The following SHOC1 variants were observed in gnomAD, a reference collection of about 807,000 sequenced individuals.
SHOC1 encodes protein shortage in chiasmata 1 ortholog.
A neutral mutation model predicts 179.2 loss-of-function variants in SHOC1; 136 were observed. That is an observed-to-expected ratio of 0.76 (90% CI 0.66 to 0.87). The LOEUF (loss-of-function observed/expected upper bound fraction) is 0.87, where lower values mean the gene tolerates loss of function less well. Ranked by LOEUF, SHOC1 falls within the 40% of genes least tolerant of loss-of-function variation. The probability of loss-of-function intolerance (pLI) is 0.00; values close to 1 mark genes in which losing one functional copy is unlikely to be tolerated. For missense variants in SHOC1, 1,538 were observed against 1,700.8 expected (o/e 0.90, Z 1.68); for synonymous variants, 489 against 586.6 (o/e 0.83, Z 2.41).
At chr9:111,748,380 T>G (rs1196178008) in intron 8 of SHOC1, among the ~76,000 whole-genome samples, 181 bp from the exon 9 acceptor site, 4 of 152,200 alleles carry the variant, frequency 2.6e-5, no homozygotes, top group Non-Finnish European at 1.5e-5. Flanking sequence ...TAAATAACTA[T>G]TCCCCCATGC....
chr9:111,726,603 C>A (rs189600702), intron 13 of SHOC1, among the ~76,000 whole-genome samples: 30 of 152,294 alleles, frequency 2.0e-4, no homozygotes, highest in African/African-American at 7.2e-4. Flanking sequence ...AAGGCTGTCA[C>A]ATCTTTTGGA....
At chr9:111,706,823 T>C (rs1832299367) in intron 19 of SHOC1, 77 bp from the exon 20 acceptor site, 8 of 1,014,288 alleles carry the variant, frequency 7.9e-6, no homozygotes. Context: ...AGATGACTGT[T>C]TTCTGGCTGT....
intron 5 of SHOC1, among the ~76,000 whole-genome samples, chr9:111,774,369 G>T (rs866954046): frequency 2.0e-5 from 3 of 152,244 alleles, no homozygotes; most frequent in East Asian, 1.9e-4. Flanking sequence ...CACGATCATG[G>T]CTTACTACAG....
chr9:111,699,819 A>G, intron 24 of SHOC1, 135 bp downstream of exon 24: 1 of 515,212 alleles, frequency 1.9e-6, no homozygotes, highest in Non-Finnish European at 3.4e-6. Context: ...ATTAATTTGA[A>G]AACTATTCTT....
At chr9:111,767,607 A>T (rs113405186) in intron 5 of SHOC1, among the ~76,000 whole-genome samples, 1 of 152,252 alleles carries the variant, frequency 6.6e-6, no homozygotes, top group Non-Finnish European at 1.5e-5. Flanking sequence ...TATATTTTGA[A>T]ATCAGGCATT....
intron 6 of SHOC1, among the ~76,000 whole-genome samples, chr9:111,758,487 G>C (rs977537368): frequency 3.3e-5 from 5 of 152,196 alleles, no homozygotes; most frequent in Non-Finnish European, 7.3e-5. Flanking sequence ...TCTCAGCAAG[G>C]CTGAGGCAGG....
chr9:111,704,031 C>A (rs372929084), intron 21 of SHOC1, 39 bp from the exon 22 acceptor site: 3 of 1,101,504 alleles, frequency 2.7e-6, no homozygotes, highest in Non-Finnish European at 4.0e-6. Flanking sequence ...AAATGAAATG[C>A]TAATAAAATT....
At position 111,758,211 on chromosome 9, in the gene SHOC1, A is replaced by G. The variant is rs1453636192; in HGVS notation, c.597-16T>C. 1 of 1,389,858 alleles carries G rather than the reference A, an allele frequency of 7.2e-7. No homozygotes were observed. Among genetic ancestry groups the G allele is most frequent in the South Asian group, 1.3e-5 (1 of 76,354 alleles). The allele number at this position is 1,389,858 out of a possible 1,614,324, so 86.1% of individuals were successfully genotyped here. ...GAAACATTCCCTTAAAAAAAAATAC[A>G]TTAATTAGTGTTTACTAAAAGCAAG... On this transcript the variant is annotated splice_polypyrimidine_tract_variant and intron_variant, in intron 6 of 27. Transcript: ENST00000682961.
intron 4 of SHOC1, 41 bp downstream of exon 4, chr9:111,780,889 T>C: frequency 2.2e-6 from 3 of 1,382,596 alleles, no homozygotes; most frequent in East Asian, 2.3e-5. Context: ...GTTTATCTTC[T>C]ACTAGATGTA....
At chr9:111,786,145 G>C (rs1589480156) in intron 2 of SHOC1, 110 bp from the exon 3 acceptor site, 2 of 772,726 alleles carry the variant, frequency 2.6e-6, no homozygotes, top group East Asian at 6.7e-5. Flanking sequence ...TTCTTTAAAA[G>C]TAATACATGC....
chr9:111,727,570 T>C, intron 13 of SHOC1, 63 bp downstream of exon 13: 1 of 1,357,746 alleles, frequency 7.4e-7, no homozygotes, highest in African/African-American at 1.5e-5. Flanking sequence ...CCTTCTATAA[T>C]AAATTATGTA....
chr9:111,734,710 C>T (rs1459654144), intron 12 of SHOC1, among the ~76,000 whole-genome samples: 2 of 152,126 alleles, frequency 1.3e-5, no homozygotes, highest in Admixed American at 6.5e-5. Flanking sequence ...GAAACAGAGA[C>T]AGGGATATGA....
chr9:111,733,688 C>T (rs1243503691), intron 12 of SHOC1, among the ~76,000 whole-genome samples: 12 of 152,006 alleles, frequency 7.9e-5, no homozygotes, highest in East Asian at 3.9e-4. Flanking sequence ...GCCAACATGG[C>T]GAAACCCCAT....
At chr9:111,775,210 G>C (rs1355835468) in intron 5 of SHOC1, among the ~76,000 whole-genome samples, 1 of 151,986 alleles carries the variant, frequency 6.6e-6, no homozygotes, top group African/African-American at 2.4e-5. Flanking sequence ...GGCCAAGCTG[G>C]TCTCAAACTC....
chr9:111,747,294 C>T (rs965325247), intron 9 of SHOC1, among the ~76,000 whole-genome samples: 2 of 151,986 alleles, frequency 1.3e-5, no homozygotes, highest in African/African-American at 4.8e-5. Context: ...AGTTAAGCAA[C>T]ATACTTTGGC....
intron 8 of SHOC1, among the ~76,000 whole-genome samples, chr9:111,752,472 T>C (rs1834638429): frequency 6.6e-6 from 1 of 152,212 alleles, no homozygotes; most frequent in Non-Finnish European, 1.5e-5. Flanking sequence ...GTCGACTCTC[T>C]TCAAAGGAAG....
chr9:111,735,996 A>T (rs1012479801), intron 12 of SHOC1, among the ~76,000 whole-genome samples: 2 of 152,180 alleles, frequency 1.3e-5, no homozygotes, highest in African/African-American at 4.8e-5. Flanking sequence ...TGATGAACAT[A>T]TTAGTGCATG....
chr9:111,791,438 A>G lies in SHOC1; in HGVS notation c.-20T>C. The G allele has an allele frequency of 6.9e-7, 1 of 1,443,810 alleles. No homozygotes were observed. The highest frequency in any genetic ancestry group is 9.2e-7 in the Non-Finnish European group (1 of 1,089,820). The allele number at this position is 1,443,810 out of a possible 1,614,324, so 89.4% of individuals were successfully genotyped here. ...AAACATATCTTCTTTCTTTCAAAGCAGTGTAAATTTCAACATCTGGAAATA... is the reference window on the plus strand; with the variant it reads ...AAACATATCTTCTTTCTTTCAAAGCGGTGTAAATTTCAACATCTGGAAATA... On this transcript the variant is annotated 5_prime_UTR_variant, in exon 2 of 28. Transcript: ENST00000682961.
At chr9:111,740,138 G>A (rs951133953) in intron 11 of SHOC1, among the ~76,000 whole-genome samples, 1 of 151,856 alleles carries the variant, frequency 6.6e-6, no homozygotes, top group Non-Finnish European at 1.5e-5. Context: ...AAATTTATTC[G>A]GAGTTCCCTT....
Sources: allele counts gnomAD v4.1 joint callset (sites outside exome capture counted in the v4.1 genomes callset), GRCh38; gene constraint gnomAD v4.1.1; transcripts MANE v1.5; gene names NCBI Gene and HGNC (gene_info 2026-07-23, HGNC 2026-07-21).